The following OVCH2 variants were observed in gnomAD, a reference collection of about 807,000 sequenced individuals.
The protein encoded by OVCH2 is ovochymase-2.
A neutral mutation model predicts 73.7 loss-of-function variants in OVCH2; 88 were observed. The ratio of observed to expected loss-of-function variants is 1.19; its 90% CI spans 1.01 to 1.43. The LOEUF (loss-of-function observed/expected upper bound fraction) is 1.43. OVCH2 is among the 40% of genes most tolerant of loss of function. The pLI is 0.00. For missense variants in OVCH2, 706 were observed against 674.5 expected (o/e 1.05, Z -0.52); for synonymous variants, 265 against 234.5 (o/e 1.13, Z -1.19).
In OVCH2 at chr11:7,704,478, C is replaced by T. The variant is rs113993026; in HGVS notation, c.198+87G>A. The T allele has an allele frequency of 2.7e-4, 242 of 895,210 alleles. 1 individual carries two copies. The South Asian group carries it at 3.5e-3, about 13-fold the overall frequency. 55.5% of individuals were successfully genotyped at this position (895,210 alleles called of 1,614,324 possible). ...TTTCAACCCAACTAGGCTGTAGGCT[C>T]CTCAAAGATATAAACTTAACCTTAA... On this transcript the variant is annotated intron_variant, in intron 2 of 15. Transcript: ENST00000533663.
At chr11:7,687,985 A>G (rs1393841630), downstream of OVCH2, among the ~76,000 whole-genome samples, 1 of 152,076 alleles carries the variant, frequency 6.6e-6, no homozygotes, top group Non-Finnish European at 1.5e-5. Flanking sequence ...GAACCTAATT[A>G]TCTCCCCAAG....
rs1328956169 is a variant in OVCH2 at position 7,689,590 on chromosome 11, G to A, written c.*44C>T. 8.5e-5 allele frequency: 40 copies of A among 468,374 alleles called. 1 individual carries two copies. The highest frequency in any genetic ancestry group is 5.3e-4 in the South Asian group (34 of 64,538). 29.0% of individuals were successfully genotyped at this position (468,374 alleles called of 1,614,324 possible). A position where few individuals can be genotyped will look rare whatever the true frequency, so the allele number is the denominator to read the frequency against. ...TTCTGGTGGTTTACTGACAGTCACT[G>A]GTGCCCCTTGGCCTGTAGATAATGT... On this transcript the variant is annotated 3_prime_UTR_variant, in exon 16 of 16. Transcript: ENST00000533663.
intron 14 of OVCH2, 21 bp from the exon 15 acceptor site, chr11:7,690,034 A>G: frequency 7.0e-7 from 1 of 1,437,182 alleles, no homozygotes; most frequent in Non-Finnish European, 9.4e-7. Context: ...GTATGATACA[A>G]TTACTCAGTT....
chr11:7,698,661 C>T (rs1856379054), intron 8 of OVCH2, 89 bp downstream of exon 8: 2 of 1,423,468 alleles, frequency 1.4e-6, no homozygotes, highest in Admixed American at 2.0e-5. Flanking sequence ...AGGGAGCGCT[C>T]TTGGAGAGGA....
At chr11:7,704,478 C>A in intron 2 of OVCH2, 87 bp downstream of exon 2, 3 of 895,210 alleles carry the variant, frequency 3.4e-6, no homozygotes, top group Non-Finnish European at 5.1e-6. Flanking sequence ...GCTGTAGGCT[C>A]CTCAAAGATA....
rs1565165294 is a variant in OVCH2 at position 7,690,019 on chromosome 11, T to C, written c.1640-6A>G. 2.0e-6 allele frequency: 3 copies of C among 1,494,732 alleles called. No individual in the cohort carries two copies. Among genetic ancestry groups the C allele is most frequent in the Non-Finnish European group, 1.8e-6 (2 of 1,109,818 alleles). 92.6% of individuals were successfully genotyped at this position (1,494,732 alleles called of 1,614,324 possible). On this transcript the variant is annotated splice_region_variant and splice_polypyrimidine_tract_variant and intron_variant, in intron 14 of 15. Coordinates refer to ENST00000533663, the MANE Select transcript of OVCH2 (RefSeq NM_198185.7). ...GATGTTTAAATCTGGGTATACTGGG[T>C]ATAAGTATGATACAATTACTCAGTT...
At position 7,696,764 on chromosome 11, in the gene OVCH2, C is replaced by T. The variant is rs775846650; in HGVS notation, c.961G>A (p.Ala321Thr). Reference protein sequence around the residue: ...CSEQDVIVSGAEGKLHFPESL... With the variant: ...CSEQDVIVSGTEGKLHFPESL... ...TCTGGGAAGTGCAGCTTCCCCTCAG[C>T]CCCGCTGACTATGACATCCTGCTCA... The change falls in exon 9 of 16, where the codon GCT becomes ACT. Residue 321 changes from alanine (A) to threonine (T), a missense_variant. Transcript: ENST00000533663. The T allele has an allele frequency of 1.9e-6, 3 of 1,611,692 alleles. No homozygotes were observed. Among genetic ancestry groups the T allele is most frequent in the Admixed American group, 3.3e-5 (2 of 59,706 alleles).
chr11:7,696,365 G>T (rs1856332342), intron 10 of OVCH2, 100 bp downstream of exon 10: 3 of 1,479,244 alleles, frequency 2.0e-6, no homozygotes, highest in Non-Finnish European at 2.8e-6. Flanking sequence ...GTCAAGAAGT[G>T]TGGCATTTAC....
chr11:7,698,168 G>T (rs970432927), intron 8 of OVCH2, among the ~76,000 whole-genome samples: 2 of 152,146 alleles, frequency 1.3e-5, no homozygotes, highest in African/African-American at 4.8e-5. Flanking sequence ...GAGCTCCCCT[G>T]TGAGTTTATT....
chr11:7,695,374 A>G (rs137995180), intron 11 of OVCH2, among the ~76,000 whole-genome samples, 186 bp from the exon 12 acceptor site: 1 of 152,274 alleles, frequency 6.6e-6, no homozygotes, highest in African/African-American at 2.4e-5. Context: ...TGGAGGGGCA[A>G]TCACTACGAG....
chr11:7,696,721 T>C lies in OVCH2; in HGVS notation c.1004A>G (p.Tyr335Cys), dbSNP rs748169794. 2 of 1,613,730 alleles carry C rather than the reference T, an allele frequency of 1.2e-6. No individual in the cohort carries two copies. The highest frequency in any genetic ancestry group is 1.7e-6 in the Non-Finnish European group (2 of 1,179,810). Residue 335 changes from tyrosine (Y) to cysteine (C), a missense_variant, in exon 9 of 16, where the codon TAT (tyrosine) becomes TGT (cysteine). Physicochemically the swap from Tyr to Cys is radical, Grantham distance 194. Transcript: ENST00000533663. ...LHFPESLHLY[Y>C]ESKQRCVWTL... ...GGGGGTTACTCACTGCTTGCTCTCA[T>C]AATATAGGTGGAGGCTTTCTGGGAA...
chr11:7,692,824 T>G (rs1321578067), intron 12 of OVCH2, among the ~76,000 whole-genome samples: 1 of 152,212 alleles, frequency 6.6e-6, no homozygotes, highest in East Asian at 1.9e-4. Context: ...CAAGAATAAA[T>G]CATGACAAAC....
intron 1 of OVCH2, among the ~76,000 whole-genome samples, chr11:7,705,028 G>C (rs1856507609): frequency 6.6e-6 from 1 of 152,150 alleles, no homozygotes; most frequent in South Asian, 2.1e-4. Context: ...CAAAGAGGTA[G>C]ACTAGATTAA....
chr11:7,688,461 C>T (rs1856166844), downstream of OVCH2, among the ~76,000 whole-genome samples: 2 of 152,116 alleles, frequency 1.3e-5, no homozygotes, highest in South Asian at 4.2e-4. Context: ...GGAATCACTG[C>T]AGCCACACTT....
At position 7,701,197 on chromosome 11, in the gene OVCH2, C is replaced by A. The variant is rs1196998106; in HGVS notation, c.711+127G>T. 9 of 1,248,648 alleles carry A rather than the reference C, an allele frequency of 7.2e-6. No homozygotes were observed. The East Asian group carries it at 2.1e-4, about 29-fold the overall frequency. The allele number at this position is 1,248,648 out of a possible 1,614,324, so 77.3% of individuals were successfully genotyped here. On this transcript the variant is annotated intron_variant, in intron 6 of 15. Transcript: ENST00000533663. ...CCCTTATAGCTTCTTCAAGACTATT[C>A]TTTATTCTACCCCTCCAATATGCTT... is the stretch of plus-strand genomic sequence containing the variant.
At chr11:7,693,550 C>G (rs575515181) in intron 12 of OVCH2, among the ~76,000 whole-genome samples, 2 of 152,358 alleles carry the variant, frequency 1.3e-5, no homozygotes, top group East Asian at 3.9e-4. Context: ...ACTTCTGGCT[C>G]TGGCATTTTC....
chr11:7,691,778 C>A (rs12797952), intron 13 of OVCH2, 124 bp downstream of exon 13: 104,318 of 709,172 alleles, frequency 0.15, 8,356 homozygotes, highest in African/African-American at 0.25. Context: ...GATGGTGAGA[C>A]CACAGGGAGG....
At chr11:7,703,598 C>A (rs564977157) in intron 3 of OVCH2, 100 bp downstream of exon 3, 31 of 931,492 alleles carry the variant, frequency 3.3e-5, no homozygotes, top group Non-Finnish European at 4.6e-5. Flanking sequence ...CCAATACTCA[C>A]CTATCACACA....
At chr11:7,688,316 C>T (rs1005510472), downstream of OVCH2, among the ~76,000 whole-genome samples, 9 of 152,282 alleles carry the variant, frequency 5.9e-5, no homozygotes, top group African/African-American at 1.9e-4. Flanking sequence ...AATTGACAGG[C>T]ACACATTAAA....
Sources: allele counts gnomAD v4.1 joint callset (sites outside exome capture counted in the v4.1 genomes callset), GRCh38; gene constraint gnomAD v4.1.1; transcripts MANE v1.5; gene names NCBI Gene and HGNC (gene_info 2026-07-23, HGNC 2026-07-21).